The following FAM171B variants were observed in gnomAD, a reference collection of about 807,000 sequenced individuals.
FAM171B encodes protein FAM171B.
Under a neutral mutation model 75.6 loss-of-function variants are expected in FAM171B, and 19 were observed. That is an observed-to-expected ratio of 0.25 (90% CI 0.18 to 0.37). The LOEUF (loss-of-function observed/expected upper bound fraction) is 0.37. Among genes scored for constraint, FAM171B ranks in the 10% least tolerant of loss-of-function variants. The probability of loss-of-function intolerance (pLI) is 1.00; values close to 1 mark genes in which losing one functional copy is unlikely to be tolerated. For synonymous variants in FAM171B, 367 were observed against 361.7 expected (o/e 1.01, Z -0.17); for missense variants, 848 against 982.4 (o/e 0.86, Z 1.83).
At chr2:186,733,906 C>G (rs1423639818) in intron 1 of FAM171B, among the ~76,000 whole-genome samples, 1 of 152,136 alleles carries the variant, frequency 6.6e-6, no homozygotes, top group Non-Finnish European at 1.5e-5. Context: ...GCTCCTAGGT[C>G]TGGGCTCCCT....
At chr2:186,698,024 A>G (rs983520176) in intron 1 of FAM171B, among the ~76,000 whole-genome samples, 1 of 152,188 alleles carries the variant, frequency 6.6e-6, no homozygotes, top group Non-Finnish European at 1.5e-5. Context: ...TCTCCAGTGT[A>G]TACAACAGCT....
At chr2:186,740,061 T>A (rs1220548210) in intron 1 of FAM171B, among the ~76,000 whole-genome samples, 167 bp from the exon 2 acceptor site, 1 of 152,226 alleles carries the variant, frequency 6.6e-6, no homozygotes, top group African/African-American at 2.4e-5. Context: ...ATTTATTTCG[T>A]TTTACAAAGA....
intron 1 of FAM171B, 45 bp from the exon 2 acceptor site, chr2:186,740,183 A>T (rs1312589620): frequency 5.0e-6 from 7 of 1,394,674 alleles, no homozygotes; most frequent in Non-Finnish European, 7.1e-6. Flanking sequence ...TGACATATGC[A>T]TTCTAGGATA....
At chr2:186,717,509 A>T (rs1403326469) in intron 1 of FAM171B, among the ~76,000 whole-genome samples, 1 of 152,194 alleles carries the variant, frequency 6.6e-6, no homozygotes, top group Non-Finnish European at 1.5e-5. Context: ...GTTTCCTTCC[A>T]GGAGGACGGT....
intron 1 of FAM171B, among the ~76,000 whole-genome samples, chr2:186,712,105 A>AAC (rs1689817727): frequency 6.6e-6 from 1 of 152,128 alleles, no homozygotes; most frequent in South Asian, 2.1e-4. Flanking sequence ...ATATGTTATG[A>AAC]ATATATATAT....
At chr2:186,729,099 C>T (rs767072058) in intron 1 of FAM171B, among the ~76,000 whole-genome samples, 9 of 151,876 alleles carry the variant, frequency 5.9e-5, no homozygotes, top group Non-Finnish European at 1.0e-4. Flanking sequence ...TGCTTGTAAC[C>T]ATCTGCTAAA....
intron 1 of FAM171B, among the ~76,000 whole-genome samples, chr2:186,717,336 T>C (rs538851257): frequency 6.6e-5 from 10 of 152,280 alleles, no homozygotes; most frequent in Admixed American, 6.5e-4. Context: ...ATGCTTTTCT[T>C]TGTTGGGGGC....
At chr2:186,702,905 G>T (rs916974651) in intron 1 of FAM171B, among the ~76,000 whole-genome samples, 2 of 151,840 alleles carry the variant, frequency 1.3e-5, no homozygotes, top group African/African-American at 2.4e-5. Context: ...TATTTAATAT[G>T]CTTTTTCTTC....
intron 1 of FAM171B, among the ~76,000 whole-genome samples, chr2:186,726,881 A>G (rs942023627): frequency 6.6e-6 from 1 of 152,118 alleles, no homozygotes; most frequent in Admixed American, 6.5e-5. Flanking sequence ...CAACTGTGGG[A>G]TTAAGCTTAA....
Position 186,694,293 on chromosome 2 carries a change from C to T in FAM171B, c.120C>T (p.Ser40=). The part of the protein sequence containing the change: ...ARAELSRSDL[S]LIQQQQQQQQ... ...CGGAACTCAGCCGCTCCGACCTCAG[C>T]CTCATCCAACAGCAGCAGCAGCAGC... is the stretch of plus-strand genomic sequence containing the variant. Residue 40 remains serine, a synonymous_variant, in exon 1 of 8, where the codon AGC becomes AGT. Coordinates refer to ENST00000304698, the MANE Select transcript of FAM171B (RefSeq NM_177454.4). The T allele has an allele frequency of 2.5e-6, 4 of 1,601,266 alleles. No individual in the cohort carries two copies. Among genetic ancestry groups the T allele is most frequent in the Admixed American group, 1.7e-5 (1 of 58,416 alleles).
intron 1 of FAM171B, among the ~76,000 whole-genome samples, chr2:186,739,064 T>TTAAGTG (rs1220606498): frequency 6.6e-6 from 1 of 152,198 alleles, no homozygotes; most frequent in African/African-American, 2.4e-5. Flanking sequence ...TAACACAATT[T>TTAAGTG]TAAGTGTCAG....
At chr2:186,732,095 A>C (rs1690124729) in intron 1 of FAM171B, among the ~76,000 whole-genome samples, 1 of 152,194 alleles carries the variant, frequency 6.6e-6, no homozygotes, top group African/African-American at 2.4e-5. Flanking sequence ...TGGTCCATGA[A>C]AAAATTGTCT....
Position 186,694,206 on chromosome 2 carries a change from C to G in FAM171B, c.33C>G (p.Thr11=). MARLCRRVPC[T]LLLGLAVVLL... ...GGCTCTGCCGGCGTGTCCCCTGCAC[C>G]CTGCTTCTCGGCCTGGCCGTGGTGC... The change falls in exon 1 of 8, where the codon ACC becomes ACG. Residue 11 remains threonine, a synonymous_variant. Coordinates refer to ENST00000304698, the MANE Select transcript of FAM171B (RefSeq NM_177454.4). 1 of 1,607,442 alleles carries G rather than the reference C, an allele frequency of 6.2e-7. No individual in the cohort carries two copies. The highest frequency in any genetic ancestry group is 2.2e-5 in the East Asian group (1 of 44,844).
At chr2:186,712,045 C>A (rs1217440528) in intron 1 of FAM171B, among the ~76,000 whole-genome samples, 1 of 152,130 alleles carries the variant, frequency 6.6e-6, no homozygotes, top group Non-Finnish European at 1.5e-5. Context: ...TTTTATGTCG[C>A]AGAATGCCTT....
At chr2:186,733,873 G>T (rs1690159636) in intron 1 of FAM171B, among the ~76,000 whole-genome samples, 1 of 152,184 alleles carries the variant, frequency 6.6e-6, no homozygotes. Context: ...CTCAAAGAGG[G>T]TATCTCAGTC....
chr2:186,743,240 C>G (rs751152145), intron 2 of FAM171B, among the ~76,000 whole-genome samples: 10 of 152,160 alleles, frequency 6.6e-5, no homozygotes, highest in Non-Finnish European at 1.2e-4. Flanking sequence ...CTACTACCAT[C>G]AAATAGAAAA....
chr2:186,731,882 G>A (rs1014336544), intron 1 of FAM171B, among the ~76,000 whole-genome samples: 5 of 152,120 alleles, frequency 3.3e-5, no homozygotes, highest in African/African-American at 1.2e-4. Flanking sequence ...TAGGTTGCAT[G>A]CTCCTTATGA....
At chr2:186,697,802 T>A (rs1689603949) in intron 1 of FAM171B, among the ~76,000 whole-genome samples, 1 of 152,190 alleles carries the variant, frequency 6.6e-6, no homozygotes, top group African/African-American at 2.4e-5. Flanking sequence ...TTGCTTAGTA[T>A]TCTCTGGATT....
At chr2:186,757,937 A>C (rs368466347) in intron 6 of FAM171B, among the ~76,000 whole-genome samples, 4 of 152,292 alleles carry the variant, frequency 2.6e-5, no homozygotes, top group South Asian at 4.1e-4. Context: ...CTCCATACAG[A>C]TCTACAGCTA....
Sources: gnomAD v4.1 joint callset for allele counts (sites outside exome capture counted in the v4.1 genomes callset) on GRCh38, gnomAD v4.1.1 for gene constraint, MANE v1.5 for transcripts, NCBI Gene and HGNC (gene_info 2026-07-23, HGNC 2026-07-21) for gene names.